The following HMGCL variants were observed in gnomAD, a reference collection of about 807,000 sequenced individuals.
HMGCL encodes the protein 3-hydroxy-3-methylglutaryl-CoA lyase, also known as hydroxymethylglutaryl-CoA lyase, mitochondrial.
Under a neutral mutation model 37.3 loss-of-function variants are expected in HMGCL, and 26 were observed. The observed-to-expected ratio is 0.70, with a 90% CI of 0.51 to 0.97. The LOEUF (loss-of-function observed/expected upper bound fraction) is 0.97. HMGCL is among the 50% of genes least tolerant of loss of function. The pLI, the probability that HMGCL is intolerant of heterozygous loss-of-function variation, is 0.00. For missense variants in HMGCL, 379 were observed against 398.1 expected, an observed-to-expected ratio of 0.95 and a Z score of 0.41; for synonymous variants, 151 against 148.0, an observed-to-expected ratio of 1.02 and a Z score of -0.15.
At chr1:23,810,480 C>T (rs917894138) in intron 6 of HMGCL, 5 of 471,100 alleles carry the variant, frequency 1.1e-5, no homozygotes, top group Middle Eastern at 6.2e-4. Context: ...ACCTCAACGA[C>T]CAGACTGGAA....
At chr1:23,811,567 G>A (rs1239292943) in intron 5 of HMGCL, among the ~76,000 whole-genome samples, 1 of 152,246 alleles carries the variant, frequency 6.6e-6, no homozygotes, top group Non-Finnish European at 1.5e-5. Context: ...GGAGCCGAGA[G>A]GAGCCGGGGG....
intron 6 of HMGCL, 180 bp downstream of exon 6, chr1:23,810,556 A>T: frequency 1.6e-6 from 1 of 640,344 alleles, no homozygotes; most frequent in Non-Finnish European, 2.9e-6. Context: ...TTCGGCTAGG[A>T]GGGGGGCCTC....
chr1:23,817,872 A>T (rs1195490218), intron 2 of HMGCL, among the ~76,000 whole-genome samples: 1 of 152,180 alleles, frequency 6.6e-6, no homozygotes, highest in Non-Finnish European at 1.5e-5. Flanking sequence ...CCCCCAAAGT[A>T]TCACACCCTC....
intron 1 of HMGCL, among the ~76,000 whole-genome samples, chr1:23,822,679 G>A (rs1384666673): frequency 6.6e-6 from 1 of 152,124 alleles, no homozygotes; most frequent in African/African-American, 2.4e-5. Context: ...GACGTCAACA[G>A]GCTAAGTTGG....
Position 23,818,946 on chromosome 1 carries a change from G to A in HMGCL, c.145-1363C>T, listed in dbSNP as rs6682888. 7.0e-3 allele frequency among the ~76,000 whole-genome samples: 999 copies of A among 142,650 alleles called. 12 individuals are homozygous for A. The highest frequency in any genetic ancestry group is 0.025 in the African/African-American group (939 of 37,696). The allele number at this position is 142,650 out of a possible 152,430, so 93.6% of individuals were successfully genotyped here. On this transcript the variant is annotated intron_variant, in intron 2 of 8. Transcript: ENST00000374490. ...CAGAACAGACAGGATTCTGCCCTTC[G>A]GGAACTTACACACTATTGTTTCCAA...
At chr1:23,812,746 GA>G (rs1638541102) in intron 5 of HMGCL, among the ~76,000 whole-genome samples, 2 of 152,280 alleles carry the variant, frequency 1.3e-5, no homozygotes, top group African/African-American at 4.8e-5. Context: ...GGCCAGAAGG[GA>G]ACTTGAACGG....
At chr1:23,820,474 G>C (rs1340632872) in intron 2 of HMGCL, 36 bp downstream of exon 2, 2 of 1,487,534 alleles carry the variant, frequency 1.3e-6, no homozygotes, top group African/African-American at 2.8e-5. Context: ...GCAGATGCTT[G>C]AAAAAACTGT....
intron 4 of HMGCL, among the ~76,000 whole-genome samples, chr1:23,814,764 T>C (rs557764664): frequency 6.6e-6 from 1 of 152,214 alleles, no homozygotes; most frequent in African/African-American, 2.4e-5. Flanking sequence ...TTGAATTGTG[T>C]CCTCCTAAAA....
rs1638616938 is a variant in HMGCL, at chr1:23,816,577, G to A, written c.348+98C>T. 7.3e-6 allele frequency: 6 copies of A among 818,268 alleles called. No individual in the cohort carries two copies. The South Asian group carries it at 8.0e-5, about 11-fold the overall frequency. The allele number at this position is 818,268 out of a possible 1,614,324, so 50.7% of individuals were successfully genotyped here. ...TGGCTGACAGACAAGCTATTCAGAT[G>A]GACATCCCAGGACAGGGGACTGAGG... On this transcript the variant is annotated intron_variant, in intron 4 of 8. Transcript: ENST00000374490.
In HMGCL at chr1:23,816,696, A is replaced by G; in HGVS notation, c.327T>C (p.Asn109=). The change falls in exon 4 of 9, where the codon AAT becomes AAC. Residue 109 remains asparagine (N), a synonymous_variant. Coordinates refer to ENST00000374490, the MANE Select transcript of HMGCL (RefSeq NM_000191.3). ...PGINYPVLTP[N]LKGFEAAVAA... ...TTACCGCTGCCTCGAAGCCTTTCAA[A>G]TTTGGGGTCAGGACTGGGTAGTTGA... is the stretch of plus-strand genomic sequence containing the variant. The G allele has an allele frequency of 3.7e-6, 6 of 1,612,190 alleles. No homozygotes were observed. The highest frequency in any genetic ancestry group is 5.1e-6 in the Non-Finnish European group (6 of 1,178,224).
At chr1:23,820,094 T>C (rs1238586642) in intron 2 of HMGCL, among the ~76,000 whole-genome samples, 1 of 152,168 alleles carries the variant, frequency 6.6e-6, no homozygotes, top group African/African-American at 2.4e-5. Flanking sequence ...TTTGGATAAA[T>C]CCCCTTACAT....
chr1:23,810,467 A>G, intron 6 of HMGCL: 1 of 448,428 alleles, frequency 2.2e-6, no homozygotes, highest in Admixed American at 3.5e-5. Context: ...TCCTCAGAGA[A>G]TCACCTCAAC....
In HMGCL at chr1:23,814,670, G is replaced by A. The variant is rs553977133; in HGVS notation, c.349-332C>T. ...AGGTGTCAGCCATCATGCCCGGCCA[G>A]CACTTTTCTCTTTAAAGAACACTGA... On this transcript the variant is annotated intron_variant, in intron 4 of 8. Coordinates refer to ENST00000374490, the MANE Select transcript of HMGCL (RefSeq NM_000191.3). Among the ~76,000 whole-genome samples, 6 of 152,138 alleles carry A rather than the reference G, an allele frequency of 3.9e-5. No homozygotes were observed. In the East Asian group the frequency reaches 7.7e-4, roughly 20 times the overall value.
At chr1:23,823,179 CA>C (rs60736552) in intron 1 of HMGCL, among the ~76,000 whole-genome samples, 1,636 of 37,250 alleles carry the variant, frequency 0.044, 5 homozygotes, top group African/African-American at 0.11. Flanking sequence ...TTCTTCATCT[CA>C]AAAAAAAAAA....
chr1:23,824,850 A>G (rs534721968), intron 1 of HMGCL, among the ~76,000 whole-genome samples: 16 of 152,310 alleles, frequency 1.1e-4, no homozygotes, highest in African/African-American at 3.4e-4. Flanking sequence ...GGGAGAGGGG[A>G]AAACATCAGG....
intron 2 of HMGCL, among the ~76,000 whole-genome samples, chr1:23,818,743 A>G (rs1334517705): frequency 1.3e-5 from 2 of 151,752 alleles, no homozygotes; most frequent in African/African-American, 4.8e-5. Flanking sequence ...ATGGGGTTTC[A>G]CCATGTTGGC....
At chr1:23,811,440 T>C (rs1638519070) in intron 5 of HMGCL, among the ~76,000 whole-genome samples, 1 of 152,072 alleles carries the variant, frequency 6.6e-6, no homozygotes, top group South Asian at 2.1e-4. Flanking sequence ...ACCAAGTAAG[T>C]AATGGAGAAA....
chr1:23,814,804 C>A (rs1457991653), intron 4 of HMGCL, among the ~76,000 whole-genome samples: 1 of 152,124 alleles, frequency 6.6e-6, no homozygotes, highest in Non-Finnish European at 1.5e-5. Flanking sequence ...AACCCAGCAC[C>A]TCAGAATGTG....
Position 23,816,751 on chromosome 1 carries a change from A to T in HMGCL, c.272T>A (p.Val91Asp), listed in dbSNP as rs142511224. The change falls in exon 4 of 9, where the codon GTC becomes GAC. Residue 91 changes from valine to aspartate, a missense_variant. Transcript: ENST00000374490. ...WVPQMGDHTEVLKGIQKFPGI... is the reference protein window; with the variant it reads ...WVPQMGDHTEDLKGIQKFPGI... ...AGGAAACTTCTGAATGCCCTTCAAG[A>T]CTTCAGTGTGGTCACCCATCTAGGA... The T allele has an allele frequency of 6.2e-7, 1 of 1,612,104 alleles. No individual in the cohort carries two copies. Among genetic ancestry groups the T allele is most frequent in the African/African-American group, 1.3e-5 (1 of 74,988 alleles).
Sources: allele counts gnomAD v4.1 joint callset (sites outside exome capture counted in the v4.1 genomes callset), GRCh38; gene constraint gnomAD v4.1.1; transcripts MANE v1.5; gene names NCBI Gene and HGNC (gene_info 2026-07-23, HGNC 2026-07-21).